Variants in TMEM163 observed in about 807,000 individuals in gnomAD.
The protein encoded by TMEM163 is transmembrane protein 163.
In TMEM163, 17 loss-of-function variants were observed where a neutral mutation model predicts 29.3. The ratio of observed to expected loss-of-function variants is 0.58; its 90% confidence interval spans 0.40 to 0.87. TMEM163 has a LOEUF of 0.87. TMEM163 is among the 40% of genes least tolerant of loss of function. TMEM163 has a pLI of 0.00. For synonymous variants in TMEM163, 157 were observed against 160.6 expected, an observed-to-expected ratio of 0.98 and a Z score of 0.17; for missense variants, 303 against 381.5, an observed-to-expected ratio of 0.79 and a Z score of 1.71.
chr2:134,624,471 G>A (rs1472746101), intron 2 of TMEM163, among the ~76,000 whole-genome samples: 4 of 152,106 alleles, frequency 2.6e-5, no homozygotes, highest in Non-Finnish European at 5.9e-5. Flanking sequence ...GGTGGGAGGA[G>A]GGAGAGGATC....
chr2:134,643,497 T>G (rs1324605499), intron 2 of TMEM163, among the ~76,000 whole-genome samples: 1 of 151,972 alleles, frequency 6.6e-6, no homozygotes, highest in Non-Finnish European at 1.5e-5. Flanking sequence ...GAGGTGAACA[T>G]TATCCTGATA....
chr2:134,574,822 CT>C (rs1681512384), intron 2 of TMEM163, among the ~76,000 whole-genome samples: 1 of 152,194 alleles, frequency 6.6e-6, no homozygotes, highest in African/African-American at 2.4e-5. Flanking sequence ...AGGAGATTTG[CT>C]GCCTAAGGGC....
intron 4 of TMEM163, among the ~76,000 whole-genome samples, chr2:134,532,037 G>A (rs887177908): frequency 3.3e-5 from 5 of 152,170 alleles, no homozygotes; most frequent in South Asian, 2.1e-4. Context: ...CCAGGAAACC[G>A]GGAAGATGAC....
At chr2:134,595,017 C>G (rs1188220119) in intron 2 of TMEM163, among the ~76,000 whole-genome samples, 2 of 151,998 alleles carry the variant, frequency 1.3e-5, no homozygotes, top group Non-Finnish European at 2.9e-5. Flanking sequence ...TTCCAGGCAG[C>G]TTGGTGCATA....
intron 2 of TMEM163, among the ~76,000 whole-genome samples, chr2:134,662,537 G>GA (rs574988899): frequency 8.0e-5 from 12 of 150,598 alleles, no homozygotes; most frequent in South Asian, 2.1e-4. Context: ...ATGTATACAG[G>GA]AAAAAAAAAG....
intron 4 of TMEM163, among the ~76,000 whole-genome samples, chr2:134,531,691 G>T (rs1680419534): frequency 6.6e-6 from 1 of 151,410 alleles, no homozygotes. Flanking sequence ...GGAGAAGGGG[G>T]TACAGTGCTT....
At chr2:134,701,554 A>G (rs1055505255) in intron 2 of TMEM163, among the ~76,000 whole-genome samples, 11 of 152,210 alleles carry the variant, frequency 7.2e-5, no homozygotes, top group African/African-American at 2.7e-4. Context: ...AGAAGGTGCA[A>G]CAATCTCTTC....
chr2:134,470,975 C>G (rs1420457964), intron 5 of TMEM163, among the ~76,000 whole-genome samples: 1 of 152,202 alleles, frequency 6.6e-6, no homozygotes, highest in Non-Finnish European at 1.5e-5. Context: ...AGTTCAACAC[C>G]AGCCTGGGCA....
chr2:134,474,702 C>T (rs1686876284), intron 5 of TMEM163, among the ~76,000 whole-genome samples: 1 of 152,070 alleles, frequency 6.6e-6, no homozygotes, highest in African/African-American at 2.4e-5. Flanking sequence ...GCAAGTAAAA[C>T]TCAACTGTAT....
chr2:134,503,161 CTCTAGGAGAATACAGTTCAGAG>C (rs1679737869), intron 4 of TMEM163, among the ~76,000 whole-genome samples, 164 bp from the exon 5 acceptor site: 1 of 152,182 alleles, frequency 6.6e-6, no homozygotes, highest in Non-Finnish European at 1.5e-5. Flanking sequence ...ACTAAGTCAC[CTCTAGGAGAATACAGTTCAGAG>C]TTTGATCACC....
chr2:134,579,572 T>G (rs1200372669), intron 2 of TMEM163, among the ~76,000 whole-genome samples: 1 of 152,198 alleles, frequency 6.6e-6, no homozygotes, highest in African/African-American at 2.4e-5. Flanking sequence ...ATCCATCCTT[T>G]TTTTTCTTTT....
At chr2:134,528,998 C>T (rs1335991267) in intron 4 of TMEM163, among the ~76,000 whole-genome samples, 1 of 152,090 alleles carries the variant, frequency 6.6e-6, no homozygotes, top group Admixed American at 6.5e-5. Context: ...AAGCAGGATG[C>T]ACAACAGAAC....
chr2:134,666,952 C>A (rs761604245), intron 2 of TMEM163, among the ~76,000 whole-genome samples: 7 of 152,198 alleles, frequency 4.6e-5, no homozygotes, highest in Non-Finnish European at 8.8e-5. Context: ...AAAGCCTTCA[C>A]TCCTTGCACT....
chr2:134,584,911 C>A (rs1425127180), intron 2 of TMEM163, among the ~76,000 whole-genome samples: 1 of 152,154 alleles, frequency 6.6e-6, no homozygotes, highest in Non-Finnish European at 1.5e-5. Context: ...AGCTGGTAAG[C>A]AGCAGAGTCC....
intron 5 of TMEM163, chr2:134,469,538 G>T (rs779644956): frequency 7.2e-5 from 11 of 152,256 alleles, no homozygotes; most frequent in Non-Finnish European, 7.3e-5. Context: ...TTCCTACGTG[G>T]TTCCCAGTTG....
At chr2:134,508,923 C>G (rs1679886075) in intron 4 of TMEM163, among the ~76,000 whole-genome samples, 1 of 152,180 alleles carries the variant, frequency 6.6e-6, no homozygotes, top group Non-Finnish European at 1.5e-5. Context: ...ATGGTAAGAG[C>G]CTCCACTTCC....
intron 5 of TMEM163, among the ~76,000 whole-genome samples, chr2:134,494,099 G>A (rs902851685): frequency 4.2e-4 from 64 of 152,102 alleles, no homozygotes; most frequent in African/African-American, 1.4e-3. Flanking sequence ...GCCAACCCCC[G>A]CCACACACAC....
At chr2:134,525,097 A>C (rs1680265135) in intron 4 of TMEM163, among the ~76,000 whole-genome samples, 1 of 152,174 alleles carries the variant, frequency 6.6e-6, no homozygotes, top group South Asian at 2.1e-4. Context: ...TTGTGGTTTT[A>C]ATTTAATGCA....
At chr2:134,529,953 G>A (rs1680384384) in intron 4 of TMEM163, among the ~76,000 whole-genome samples, 2 of 151,994 alleles carry the variant, frequency 1.3e-5, no homozygotes, top group African/African-American at 2.4e-5. Flanking sequence ...ATGCAGTCGG[G>A]AGGATTCTTA....
Sources: allele counts gnomAD v4.1 joint callset (sites outside exome capture counted in the v4.1 genomes callset), GRCh38; gene constraint gnomAD v4.1.1; transcripts MANE v1.5; gene names NCBI Gene and HGNC (gene_info 2026-07-23, HGNC 2026-07-21).